NSD1: variants seen among roughly 807,000 people sequenced by gnomAD.
NSD1 encodes nuclear receptor binding SET domain protein 1.
Under a neutral mutation model 242.7 loss-of-function variants are expected in NSD1, and 26 were observed. The observed-to-expected ratio is 0.11, with a 90% CI of 0.08 to 0.15. The LOEUF (loss-of-function observed/expected upper bound fraction) is 0.15. NSD1 is among the 10% of genes least tolerant of loss of function. The pLI, the probability that NSD1 is intolerant of heterozygous loss-of-function variation, is 1.00. For missense variants in NSD1, 2,495 were observed against 3,272.8 expected, an observed-to-expected ratio of 0.76 and a Z score of 5.80; for synonymous variants, 1,106 against 1,178.1, an observed-to-expected ratio of 0.94 and a Z score of 1.25.
At chr5:177,137,011 A>G (rs1054617454) in intron 2 of NSD1, 85 of 574,816 alleles carry the variant, frequency 1.5e-4, no homozygotes, top group Non-Finnish European at 9.6e-6. Context: ...TTCCGTGTGT[A>G]TAGAAATGGA....
At chr5:177,159,005 T>TATATATATAAATG (rs1758478004) in intron 2 of NSD1, among the ~76,000 whole-genome samples, 1 of 89,044 alleles carries the variant, frequency 1.1e-5, no homozygotes, top group African/African-American at 6.2e-5. Flanking sequence ...ATTTTATATA[T>TATATATATAAATG]ATATATATAT....
chr5:177,279,630 T>TC (rs1403590649), intron 17 of NSD1, among the ~76,000 whole-genome samples: 1 of 133,030 alleles, frequency 7.5e-6, no homozygotes, highest in Non-Finnish European at 1.6e-5. Context: ...TTTTTTTTTT[T>TC]TTTTTTTTGA....
rs1197682658 is a variant in NSD1, at chr5:177,299,246, T to C, written c.*3787T>C. 2 of 233,214 alleles carry C rather than the reference T, an allele frequency of 8.6e-6. No homozygotes were observed. The highest frequency in any genetic ancestry group is 2.2e-5 in the African/African-American group (1 of 45,360). The allele number at this position is 233,214 out of a possible 1,614,324, so 14.4% of individuals were successfully genotyped here. A position where few individuals can be genotyped will look rare whatever the true frequency, so the allele number is the denominator to read the frequency against. ...TAAGCACTGCCAAGGGTTGAGGGACTGGCAGCTCAAGAAACCCGGGTTCCT... is the reference window on the plus strand; with the variant it reads ...TAAGCACTGCCAAGGGTTGAGGGACCGGCAGCTCAAGAAACCCGGGTTCCT... On this transcript the variant is annotated 3_prime_UTR_variant, in exon 23 of 23. Coordinates refer to ENST00000439151, the MANE Select transcript of NSD1 (RefSeq NM_022455.5).
At chr5:177,285,753 G>A (rs780941254) in intron 20 of NSD1, among the ~76,000 whole-genome samples, 4 of 152,132 alleles carry the variant, frequency 2.6e-5, no homozygotes, top group Non-Finnish European at 5.9e-5. Context: ...TCTAATTACT[G>A]TTGAAGCAGA....
In NSD1 at chr5:177,280,813, G is replaced by A; in HGVS notation, c.5871G>A (p.Arg1957=). The A allele has an allele frequency of 6.2e-7, 1 of 1,614,108 alleles. No individual in the cohort carries two copies. Among genetic ancestry groups the A allele is most frequent in the African/African-American group, 1.3e-5 (1 of 75,028 alleles). ...FRTLQRGWGL[R]TKTDIKKGEF... ...CATTACAGCGGGGTTGGGGTCTACGGACAAAAACAGATATTAAAAAGGTTA... is the reference window on the plus strand; with the variant it reads ...CATTACAGCGGGGTTGGGGTCTACGAACAAAAACAGATATTAAAAAGGTTA... The change falls in exon 18 of 23, where the codon CGG becomes CGA. Residue 1957 remains arginine (R), a synonymous_variant. Transcript: ENST00000439151.
chr5:177,256,952 A>T lies in NSD1; in HGVS notation c.4767A>T (p.Gly1589=). The T allele has an allele frequency of 6.2e-7, 1 of 1,612,878 alleles. No individual in the cohort carries two copies. Among genetic ancestry groups the T allele is most frequent in the Non-Finnish European group, 8.5e-7 (1 of 1,178,874 alleles). The change falls in exon 13 of 23, where the codon GGA becomes GGT. Residue 1589 remains glycine, a splice_region_variant and synonymous_variant. Coordinates refer to ENST00000439151, the MANE Select transcript of NSD1 (RefSeq NM_022455.5). ...ATTTATCTTCTTTTGGCTTCTCAGG[A>T]ATCCATACCTGTTTTGTATGTAAGC... ...GKFICNECRT[G]IHTCFVCKQS...
chr5:177,168,614 C>T (rs1205597955), intron 2 of NSD1, among the ~76,000 whole-genome samples: 1 of 152,068 alleles, frequency 6.6e-6, no homozygotes, highest in East Asian at 1.9e-4. Flanking sequence ...GTGCCCACCA[C>T]CACGCCCAGC....
intron 5 of NSD1, among the ~76,000 whole-genome samples, chr5:177,214,263 T>G (rs1438927888): frequency 6.6e-6 from 1 of 151,754 alleles, no homozygotes; most frequent in Non-Finnish European, 1.5e-5. Flanking sequence ...ACCCGGGAGG[T>G]GGAGGTTGCA....
chr5:177,206,321 T>C (rs1265424595), intron 4 of NSD1, among the ~76,000 whole-genome samples: 1 of 152,060 alleles, frequency 6.6e-6, no homozygotes, highest in Admixed American at 6.6e-5. Context: ...TTTTATTTTT[T>C]TGTAGAACGA....
chr5:177,136,000 A>T lies in NSD1; in HGVS notation c.897A>T (p.Ser299=), dbSNP rs776698696. The T allele has an allele frequency of 6.2e-7, 1 of 1,614,108 alleles. No individual in the cohort carries two copies. ...ACATGCTAGAATTACCTGGAACTTC[A>T]TCATCATCTACTTCACAGGAATTGC... ...LGNMLELPGT[S]SSSTSQELPF... Residue 299 remains serine, a synonymous_variant, in exon 2 of 23, where the codon TCA becomes TCT. Transcript: ENST00000439151.
At chr5:177,267,153 C>G (rs1458247394) in intron 14 of NSD1, among the ~76,000 whole-genome samples, 1 of 152,146 alleles carries the variant, frequency 6.6e-6, no homozygotes, top group Admixed American at 6.5e-5. Flanking sequence ...GCACTGTGCC[C>G]AGCCGAAAAG....
At chr5:177,138,310 T>G (rs1756517919) in intron 2 of NSD1, among the ~76,000 whole-genome samples, 2 of 151,104 alleles carry the variant, frequency 1.3e-5, no homozygotes, top group Non-Finnish European at 3.0e-5. Flanking sequence ...GGCTGGAGTG[T>G]AGTGGCGCGA....
rs10056245 is a variant in NSD1, at chr5:177,248,530, G to C, written c.4641+206G>C. On this transcript the variant is annotated intron_variant, in intron 11 of 22. Coordinates refer to ENST00000439151, the MANE Select transcript of NSD1 (RefSeq NM_022455.5). Reference sequence around the variant, plus strand: ...AAATAGTTTAGTGTTGGTGAACCACGTGCCCTTAAGGCCCATGAAGGAATA... The same window carrying C: ...AAATAGTTTAGTGTTGGTGAACCACCTGCCCTTAAGGCCCATGAAGGAATA... 0.079 allele frequency among the ~76,000 whole-genome samples: 11,949 copies of C among 152,038 alleles called. 986 individuals carry two copies. Among genetic ancestry groups the C allele is most frequent in the African/African-American group, 0.21 (8,776 of 41,420 alleles).
intron 2 of NSD1, among the ~76,000 whole-genome samples, chr5:177,188,619 T>TATAG (rs1408161243): frequency 1.3e-5 from 2 of 152,216 alleles, no homozygotes; most frequent in African/African-American, 4.8e-5. Flanking sequence ...ACAGTGTATG[T>TATAG]ATAGCTCTGT....
intron 20 of NSD1, 49 bp from the exon 21 acceptor site, chr5:177,288,769 TA>T: frequency 7.7e-7 from 1 of 1,304,414 alleles, no homozygotes; most frequent in South Asian, 1.2e-5. Flanking sequence ...AATACAGAAA[TA>T]ATGTAATTAA....
At chr5:177,231,662 C>T (rs887340910) in intron 5 of NSD1, among the ~76,000 whole-genome samples, 11 of 152,066 alleles carry the variant, frequency 7.2e-5, no homozygotes, top group Non-Finnish European at 1.3e-4. Context: ...TCAGGTGATC[C>T]GCCCACCTTG....
intron 5 of NSD1, among the ~76,000 whole-genome samples, chr5:177,230,294 A>T (rs1764957755): frequency 6.6e-6 from 1 of 151,988 alleles, no homozygotes; most frequent in African/African-American, 2.4e-5. Context: ...AGACGTTTCT[A>T]CCAAAGTAGA....
chr5:177,216,187 A>AT (rs1763757603), intron 5 of NSD1, among the ~76,000 whole-genome samples: 2 of 152,176 alleles, frequency 1.3e-5, no homozygotes, highest in African/African-American at 4.8e-5. Flanking sequence ...AAATCTTGTT[A>AT]TTTTTAAAAA....
In NSD1 at chr5:177,210,923, A is replaced by G. The variant is rs762139060; in HGVS notation, c.2524A>G (p.Met842Val). Residue 842 changes from methionine to valine, a missense_variant, in exon 5 of 23, where the codon ATG (methionine) becomes GTG (valine). Physicochemically the swap from Met to Val is conservative, Grantham distance 21 (BLOSUM62 1). This residue lies in a region of NSD1 where 121 missense variants were observed against 167.2 expected (regional missense o/e 0.72). Transcript: ENST00000439151. ...GGATGGTCTAAAACTACTGAACAAT[A>G]TGCATGAGAAAACCAGGGATTCAAG... ...KVDGLKLLNN[M>V]HEKTRDSSDI... The G allele has an allele frequency of 1.4e-5, 23 of 1,614,068 alleles. No individual in the cohort carries two copies. Among genetic ancestry groups the G allele is most frequent in the African/African-American group, 2.7e-5 (2 of 74,924 alleles).
Sources: allele counts gnomAD v4.1 joint callset (sites outside exome capture counted in the v4.1 genomes callset), GRCh38; gene constraint gnomAD v4.1.1; regional missense constraint gnomAD v4.1.1; transcripts MANE v1.5; gene names NCBI Gene and HGNC (gene_info 2026-07-23, HGNC 2026-07-21).